Variants in ZMYM2 observed in about 807,000 individuals in gnomAD.
The protein encoded by ZMYM2 is zinc finger MYM-type containing 2.
Under a neutral mutation model 162.8 loss-of-function variants are expected in ZMYM2, and 56 were observed. The observed-to-expected ratio is 0.34, with a 90% CI of 0.28 to 0.43. The LOEUF is 0.43. Ranked by LOEUF, ZMYM2 falls within the 20% of genes least tolerant of loss-of-function variation. The pLI, the probability that ZMYM2 is intolerant of heterozygous loss-of-function variation, is 1.00. For synonymous variants in ZMYM2, 510 were observed against 541.6 expected (o/e 0.94, Z 0.81); for missense variants, 1,275 against 1,621.8 (o/e 0.79, Z 3.67).
rs534052582 is a variant in ZMYM2 at position 19,959,242 on chromosome 13, C to T, written c.-80+401C>T. ...CCCGGGGAGGTCGCGGGGCATTTTC[C>T]TTTCTCTCCGGCGGGGGGCGGGGGA... On this transcript the variant is annotated intron_variant, in intron 1 of 24. Transcript: ENST00000610343. Among the ~76,000 whole-genome samples the T allele has an allele frequency of 1.4e-3, 205 of 149,434 alleles. 1 individual carries two copies. Among genetic ancestry groups the T allele is most frequent in the African/African-American group, 4.9e-3 (199 of 40,746 alleles).
intron 21 of ZMYM2, among the ~76,000 whole-genome samples, chr13:20,075,752 G>T (rs1957451395): frequency 7.6e-6 from 1 of 132,152 alleles, no homozygotes; most frequent in Non-Finnish European, 1.5e-5. Context: ...CGCCATCTCG[G>T]CTTAATGCAA....
intron 21 of ZMYM2, chr13:20,071,831 TTCAAACAGTCATGCTGCCCTGGA>T: frequency 5.4e-6 from 1 of 184,616 alleles, no homozygotes; most frequent in Non-Finnish European, 1.2e-5. Flanking sequence ...TCTGCCTCAG[TTCAAACAGTCATGCTGCCCTGGA>T]TCCAGTGCAG....
chr13:19,960,320 C>A (rs1317533725), intron 2 of ZMYM2, among the ~76,000 whole-genome samples: 1 of 152,200 alleles, frequency 6.6e-6, no homozygotes, highest in Non-Finnish European at 1.5e-5. Flanking sequence ...CGAAGGAGGG[C>A]ATATTTCTGG....
intron 6 of ZMYM2, among the ~76,000 whole-genome samples, chr13:20,012,598 G>A (rs1002623348): frequency 1.3e-5 from 2 of 152,160 alleles, no homozygotes; most frequent in Non-Finnish European, 2.9e-5. Flanking sequence ...TCTAAGAGTT[G>A]TATGAGTTTA....
chr13:19,998,828 G>A (rs1288105679), intron 3 of ZMYM2, among the ~76,000 whole-genome samples: 1 of 152,114 alleles, frequency 6.6e-6, no homozygotes, highest in Non-Finnish European at 1.5e-5. Flanking sequence ...CCCAAGCTCT[G>A]GTTGTATTTT....
the ZMYM2 span, among the ~76,000 whole-genome samples, chr13:19,871,486 C>A: frequency 6.6e-6 from 1 of 151,968 alleles, no homozygotes; most frequent in East Asian, 1.9e-4. Context: ...CAGTAGCCAA[C>A]TCCTGTGCTC....
intron 2 of ZMYM2, among the ~76,000 whole-genome samples, chr13:19,965,033 A>C (rs979102212): frequency 4.0e-5 from 6 of 151,194 alleles, no homozygotes; most frequent in Non-Finnish European, 8.8e-5. Flanking sequence ...ACATGTATAC[A>C]TATGTAACTA....
At chr13:20,079,345 G>GAAAAAAAAAAAAA (rs1957754259) in intron 21 of ZMYM2, among the ~76,000 whole-genome samples, 4 of 19,136 alleles carry the variant, frequency 2.1e-4, no homozygotes, top group Admixed American at 6.4e-4. Flanking sequence ...AAAAAAAAAG[G>GAAAAAAAAAAAAA]ATACTTAATG....
At chr13:19,928,658 A>G in the ZMYM2 span, among the ~76,000 whole-genome samples, 1 of 152,046 alleles carries the variant, frequency 6.6e-6, no homozygotes, top group Non-Finnish European at 1.5e-5. Flanking sequence ...TTAGCTGGGC[A>G]TGGTGGCACA....
At chr13:20,065,679 C>T (rs1221875697) in intron 19 of ZMYM2, among the ~76,000 whole-genome samples, 2 of 152,052 alleles carry the variant, frequency 1.3e-5, no homozygotes, top group Non-Finnish European at 2.9e-5. Flanking sequence ...TGGCACGTGC[C>T]TGCAGTCCCA....
chr13:20,025,269 GA>G, intron 7 of ZMYM2: 1 of 201,814 alleles, frequency 5.0e-6, no homozygotes, highest in Non-Finnish European at 1.0e-5. Context: ...ACATGAGGTG[GA>G]AAATGGATAC....
intron 12 of ZMYM2, 105 bp from the exon 13 acceptor site, chr13:20,051,328 C>G: frequency 1.3e-6 from 1 of 788,648 alleles, no homozygotes; most frequent in Non-Finnish European, 1.7e-6. Context: ...TCTACTTTTT[C>G]TGTATCAGTC....
At chr13:20,047,733 A>G (rs1413157698) in intron 12 of ZMYM2, among the ~76,000 whole-genome samples, 2 of 152,132 alleles carry the variant, frequency 1.3e-5, no homozygotes, top group Non-Finnish European at 2.9e-5. Flanking sequence ...TTTCTGGTCT[A>G]TATCATGGTT....
chr13:20,079,486 C>T (rs1957770104), intron 21 of ZMYM2, among the ~76,000 whole-genome samples: 1 of 152,028 alleles, frequency 6.6e-6, no homozygotes, highest in East Asian at 1.9e-4. Flanking sequence ...GTTCCTGAAA[C>T]CACACACAGG....
chr13:19,910,490 A>G, the ZMYM2 span, among the ~76,000 whole-genome samples: 2 of 150,930 alleles, frequency 1.3e-5, no homozygotes, highest in African/African-American at 4.9e-5. Context: ...TTACTCATCC[A>G]TCCTGGGAGG....
rs1329532735 is a variant in ZMYM2, at chr13:19,971,262, A to ATATT, written c.-11+11237_-11+11238insATTT. Among the ~76,000 whole-genome samples, 15 of 78,332 alleles carry ATATT rather than the reference A, an allele frequency of 1.9e-4. 1 individual carries two copies. Among genetic ancestry groups the ATATT allele is most frequent in the South Asian group, 1.3e-3 (3 of 2,400 alleles). 51.4% of individuals were successfully genotyped at this position (78,332 alleles called of 152,430 possible). Reference sequence around the variant, plus strand: ...TGTGTGTGTATATATATATATATATATTTTTTTTTTTTTTTTTTTTTCCTT... The same window carrying ATATT: ...TGTGTGTGTATATATATATATATATATATTTTTTTTTTTTTTTTTTTTTTTCCTT... On this transcript the variant is annotated intron_variant, in intron 2 of 24. Transcript: ENST00000610343.
chr13:20,055,875 C>T (rs569492785), intron 14 of ZMYM2, among the ~76,000 whole-genome samples: 1 of 152,056 alleles, frequency 6.6e-6, no homozygotes, highest in South Asian at 2.1e-4. Flanking sequence ...TTAAAACGTT[C>T]TTGGCTATGT....
the ZMYM2 span, among the ~76,000 whole-genome samples, chr13:19,878,155 C>A: frequency 2.0e-4 from 30 of 151,434 alleles, no homozygotes; most frequent in African/African-American, 7.3e-4. Context: ...TGGGTTCAAT[C>A]GATTCTCCTG....
chr13:19,918,252 C>T, the ZMYM2 span, among the ~76,000 whole-genome samples: 53 of 152,004 alleles, frequency 3.5e-4, no homozygotes, highest in African/African-American at 1.2e-3. Context: ...CGAGACCAGC[C>T]GGGCCAACAT....
Sources: allele counts gnomAD v4.1 joint callset (sites outside exome capture counted in the v4.1 genomes callset), GRCh38; gene constraint gnomAD v4.1.1; transcripts MANE v1.5; gene names NCBI Gene and HGNC (gene_info 2026-07-23, HGNC 2026-07-21).